OR1J2: variants seen among roughly 807,000 people sequenced by gnomAD.
The protein encoded by OR1J2 is olfactory receptor family 1 subfamily J member 2.
For missense variants in OR1J2, 304 were observed against 246.1 expected, an observed-to-expected ratio of 1.24 and a Z score of -1.57; for synonymous variants, 142 against 99.7, an observed-to-expected ratio of 1.42 and a Z score of -2.52.
At chr9:122,465,219 A>T in the OR1J2 span, among the ~76,000 whole-genome samples, 3 of 152,276 alleles carry the variant, frequency 2.0e-5, no homozygotes, top group African/African-American at 7.2e-5. Flanking sequence ...GCGTCTGGGG[A>T]AAACTTGCTC....
the OR1J2 span, among the ~76,000 whole-genome samples, chr9:122,497,150 C>T: frequency 6.6e-6 from 1 of 152,166 alleles, no homozygotes; most frequent in South Asian, 2.1e-4. Context: ...CAAGCAGACT[C>T]ACAGTTTTTT....
the OR1J2 span, among the ~76,000 whole-genome samples, chr9:122,450,438 A>C: frequency 6.6e-6 from 1 of 152,222 alleles, no homozygotes; most frequent in African/African-American, 2.4e-5. Flanking sequence ...CTCAAAAAAA[A>C]ATCTTTAAAA....
chr9:122,511,149 A>G lies in OR1J2; in HGVS notation c.348A>G (p.Thr116=), dbSNP rs756797585. The G allele has an allele frequency of 1.1e-5, 8 of 746,440 alleles. No individual in the cohort carries two copies. The highest frequency in any genetic ancestry group is 2.4e-4 in the Middle Eastern group (1 of 4,162). 46.2% of individuals were successfully genotyped at this position (746,440 alleles called of 1,614,324 possible). A position where few individuals can be genotyped will look rare whatever the true frequency, so the allele number is the denominator to read the frequency against. Residue 116 remains threonine, a synonymous_variant, in exon 1 of 1, where the codon ACA becomes ACG. Coordinates refer to ENST00000335302, the MANE Select transcript of OR1J2 (RefSeq NM_054107.1). ...CTGACCTGGACAGCTTCCTTATTACATCAATGGCATATGACCGATATGTTG... is the reference window on the plus strand; with the variant it reads ...CTGACCTGGACAGCTTCCTTATTACGTCAATGGCATATGACCGATATGTTG... ...FFTDLDSFLI[T]SMAYDRYVAI... is the part of the protein sequence containing the mutation.
downstream of OR1J2, among the ~76,000 whole-genome samples, chr9:122,513,319 C>T (rs747475263): frequency 2.0e-5 from 3 of 152,082 alleles, no homozygotes; most frequent in Non-Finnish European, 4.4e-5. Context: ...GTCTGAGATG[C>T]GAGGATAGAA....
At chr9:122,493,435 G>A in the OR1J2 span, among the ~76,000 whole-genome samples, 2 of 152,092 alleles carry the variant, frequency 1.3e-5, no homozygotes, top group South Asian at 2.1e-4. Flanking sequence ...ACCTAGGAGG[G>A]TTGTATATTT....
At chr9:122,473,477 T>C in the OR1J2 span, among the ~76,000 whole-genome samples, 8 of 152,350 alleles carry the variant, frequency 5.3e-5, no homozygotes, top group East Asian at 1.5e-3. Context: ...TTTATAGTAA[T>C]ATAACTGACC....
At chr9:122,505,225 C>A in the OR1J2 span, among the ~76,000 whole-genome samples, 3,113 of 152,196 alleles carry the variant, frequency 0.02, 93 homozygotes, top group African/African-American at 0.07. Context: ...TTATTTCTTG[C>A]AATTCTGGAG....
the OR1J2 span, among the ~76,000 whole-genome samples, chr9:122,481,026 C>G: frequency 3.9e-5 from 6 of 152,084 alleles, no homozygotes; most frequent in African/African-American, 1.4e-4. Flanking sequence ...GATCTCTTGA[C>G]CTTGTGATCT....
the OR1J2 span, among the ~76,000 whole-genome samples, chr9:122,473,869 C>T: frequency 0.17 from 26,028 of 152,140 alleles, 2,823 homozygotes; most frequent in East Asian, 0.35. Context: ...GCAGACTTCA[C>T]TGCAAGTATA....
At chr9:122,526,907 G>A in the OR1J2 span, 1 of 1,614,192 alleles carries the variant, frequency 6.2e-7, no homozygotes, top group Non-Finnish European at 8.5e-7. Flanking sequence ...CTGTGGAGTA[G>A]CAGAGGGGGT....
the OR1J2 span, among the ~76,000 whole-genome samples, chr9:122,467,253 C>G: frequency 6.6e-6 from 1 of 152,216 alleles, no homozygotes; most frequent in Non-Finnish European, 1.5e-5. Flanking sequence ...CAAAAAGCCA[C>G]TGACTACTTT....
At chr9:122,546,605 T>C in the OR1J2 span, among the ~76,000 whole-genome samples, 4 of 152,134 alleles carry the variant, frequency 2.6e-5, no homozygotes, top group Non-Finnish European at 4.4e-5. Flanking sequence ...GTTAAAAAAA[T>C]TAAAAGTAAA....
the OR1J2 span, among the ~76,000 whole-genome samples, chr9:122,463,202 A>G: frequency 1.3e-5 from 2 of 151,946 alleles, no homozygotes; most frequent in African/African-American, 4.8e-5. Context: ...TCTTCTACTT[A>G]TTTGATTGTA....
At chr9:122,547,612 A>C in the OR1J2 span, among the ~76,000 whole-genome samples, 1 of 141,754 alleles carries the variant, frequency 7.1e-6, no homozygotes, top group African/African-American at 2.6e-5. Context: ...ATGGCTGAGT[A>C]GTAGTTCAGT....
At chr9:122,555,399 C>A in the OR1J2 span, among the ~76,000 whole-genome samples, 1 of 152,112 alleles carries the variant, frequency 6.6e-6, no homozygotes, top group Non-Finnish European at 1.5e-5. Flanking sequence ...CAGACAAGAC[C>A]ATCTTAGCCT....
At chr9:122,533,178 T>C in the OR1J2 span, among the ~76,000 whole-genome samples, 2 of 152,102 alleles carry the variant, frequency 1.3e-5, no homozygotes, top group African/African-American at 4.8e-5. Flanking sequence ...GGAGAGTATA[T>C]GGGTTTGGCA....
At chr9:122,520,006 T>C in the OR1J2 span, 7 of 1,614,058 alleles carry the variant, frequency 4.3e-6, no homozygotes, top group Admixed American at 6.7e-5. Context: ...AATCCCTTCA[T>C]TTATAGCCTA....
At chr9:122,574,074 C>T in the OR1J2 span, among the ~76,000 whole-genome samples, 1 of 152,086 alleles carries the variant, frequency 6.6e-6, no homozygotes, top group African/African-American at 2.4e-5. Flanking sequence ...TACCATTGAT[C>T]TATTTGCCTA....
chr9:122,519,613 C>G, the OR1J2 span: 13 of 1,614,110 alleles, frequency 8.1e-6, no homozygotes, highest in Non-Finnish European at 1.0e-5. Context: ...AATGCCCTGT[C>G]TCACACTCTC....
Sources: allele counts gnomAD v4.1 joint callset (sites outside exome capture counted in the v4.1 genomes callset), GRCh38; gene constraint gnomAD v4.1.1; transcripts MANE v1.5; gene names NCBI Gene and HGNC (gene_info 2026-07-23, HGNC 2026-07-21).